The following RBFOX1 variants were observed in gnomAD, a reference collection of about 807,000 sequenced individuals.
RBFOX1 encodes the protein RNA binding protein fox-1 homolog 1.
A neutral mutation model predicts 57.7 loss-of-function variants in RBFOX1; 8 were observed. The observed-to-expected ratio is 0.14, with a 90% CI of 0.08 to 0.25. RBFOX1 has a LOEUF of 0.25. Among genes scored for constraint, RBFOX1 ranks in the 10% least tolerant of loss-of-function variants. The pLI is 1.00. For synonymous variants in RBFOX1, 326 were observed against 222.4 expected (o/e 1.47, Z -4.15); for missense variants, 611 against 548.5 (o/e 1.11, Z -1.14).
intron 2 of RBFOX1, among the ~76,000 whole-genome samples, chr16:6,331,545 C>CTATA (rs910680711): frequency 1.4e-5 from 2 of 147,900 alleles, no homozygotes; most frequent in African/African-American, 5.0e-5. Context: ...CTCTCTCTCT[C>CTATA]TATATATATA....
chr16:6,984,267 C>T (rs4289011), intron 3 of RBFOX1, among the ~76,000 whole-genome samples: 65,401 of 151,894 alleles, frequency 0.43, 17,310 homozygotes, highest in Non-Finnish European at 0.59. Flanking sequence ...ATAAAATAAT[C>T]CTGGATCCTC....
chr16:6,542,272 CCAGAGGTCAGATACTTAT>C, intron 2 of RBFOX1, among the ~76,000 whole-genome samples: 1 of 151,926 alleles, frequency 6.6e-6, no homozygotes, highest in East Asian at 1.9e-4. Context: ...CCATTCCTGA[CCAGAGGTCAGATACTTAT>C]CTGTTTCTTT....
At chr16:6,511,356 A>G (rs557785936) in intron 2 of RBFOX1, among the ~76,000 whole-genome samples, 8 of 152,306 alleles carry the variant, frequency 5.3e-5, no homozygotes, top group African/African-American at 1.2e-4. Flanking sequence ...CTTAGTGTCT[A>G]TCATGTAGCA....
intron 4 of RBFOX1, among the ~76,000 whole-genome samples, chr16:7,335,341 T>A (rs2096766447): frequency 6.6e-6 from 1 of 152,170 alleles, no homozygotes; most frequent in Non-Finnish European, 1.5e-5. Context: ...GGCAAGATGT[T>A]AAAATGAGCC....
chr16:7,399,311 A>C (rs2098197045), intron 4 of RBFOX1, among the ~76,000 whole-genome samples: 2 of 151,560 alleles, frequency 1.3e-5, no homozygotes, highest in African/African-American at 2.4e-5. Flanking sequence ...GCCAAGTGCG[A>C]TGGCGCATGC....
At chr16:5,820,184 G>A (rs928166036) in intron 3 of RBFOX1, among the ~76,000 whole-genome samples, 1 of 152,172 alleles carries the variant, frequency 6.6e-6, no homozygotes, top group African/African-American at 2.4e-5. Context: ...AGCTCATGGG[G>A]ATTAAAACAC....
chr16:5,712,741 A>C (rs1035645665), intron 3 of RBFOX1, among the ~76,000 whole-genome samples: 1 of 152,234 alleles, frequency 6.6e-6, no homozygotes, highest in African/African-American at 2.4e-5. Context: ...TCCAGCTGCA[A>C]GGAAGCCAGT....
intron 3 of RBFOX1, among the ~76,000 whole-genome samples, chr16:6,845,485 G>A (rs189248746): frequency 6.6e-6 from 1 of 152,252 alleles, no homozygotes; most frequent in African/African-American, 2.4e-5. Context: ...AGATCAGATG[G>A]ATGGGGGTGT....
chr16:7,528,852 G>A (rs2079299260), intron 5 of RBFOX1, among the ~76,000 whole-genome samples: 1 of 152,324 alleles, frequency 6.6e-6, no homozygotes, highest in Middle Eastern at 3.4e-3. Flanking sequence ...GTTGACAGAA[G>A]TTTCAGGAAT....
At chr16:5,753,551 G>T (rs2053289311) in intron 3 of RBFOX1, among the ~76,000 whole-genome samples, 1 of 152,150 alleles carries the variant, frequency 6.6e-6, no homozygotes, top group African/African-American at 2.4e-5. Context: ...TCCTCCAGTG[G>T]TGTGCTGCAG....
intron 3 of RBFOX1, among the ~76,000 whole-genome samples, chr16:6,743,094 A>G (rs2072682818): frequency 1.3e-5 from 2 of 152,208 alleles, no homozygotes; most frequent in Admixed American, 1.3e-4. Context: ...CTGTCTGTGT[A>G]TTTGTAATAT....
At chr16:7,433,427 C>G (rs1168230696) in intron 4 of RBFOX1, among the ~76,000 whole-genome samples, 1 of 152,168 alleles carries the variant, frequency 6.6e-6, no homozygotes, top group African/African-American at 2.4e-5. Flanking sequence ...AACTTCAAGT[C>G]TAATAGGGGA....
intron 4 of RBFOX1, among the ~76,000 whole-genome samples, chr16:7,147,665 C>G (rs1048130778): frequency 6.6e-6 from 1 of 152,092 alleles, no homozygotes; most frequent in African/African-American, 2.4e-5. Context: ...TTTTTTATGG[C>G]TGTATAGTAT....
chr16:6,304,824 C>T (rs1281493661), intron 1 of RBFOX1, among the ~76,000 whole-genome samples: 2 of 134,810 alleles, frequency 1.5e-5, no homozygotes, highest in Admixed American at 8.2e-5. Context: ...AGTGAGCCCA[C>T]ATCATGCCAC....
chr16:7,585,247 T>G (rs17144198), intron 6 of RBFOX1, among the ~76,000 whole-genome samples: 3,115 of 152,296 alleles, frequency 0.02, 119 homozygotes, highest in African/African-American at 0.07. Flanking sequence ...AGCTCACGTT[T>G]GAATGGCAAA....
At position 5,963,783 on chromosome 16, in the gene RBFOX1, A is replaced by C. The variant is rs139089118; in HGVS notation, c.351+96448A>C. ...CAAAATGGATTAAATGCTTAAACTT[A>C]AGACCTAAAGCCATAAGACTCCTAG... On this transcript the variant is annotated intron_variant, in intron 4 of 19. Coordinates refer to the RBFOX1 transcript ENST00000641259. Among the ~76,000 whole-genome samples the C allele has an allele frequency of 2.7e-4, 41 of 152,346 alleles. 1 individual carries two copies. The highest frequency in any genetic ancestry group is 9.9e-4 in the African/African-American group (41 of 41,590).
intron 3 of RBFOX1, among the ~76,000 whole-genome samples, chr16:5,841,541 A>ACAC (rs1253046647): frequency 6.6e-6 from 1 of 152,246 alleles, no homozygotes; most frequent in Non-Finnish European, 1.5e-5. Context: ...ATATGAATGG[A>ACAC]CACGTACAAC....
chr16:5,275,199 G>A (rs1344091734), intron 1 of RBFOX1, among the ~76,000 whole-genome samples: 1 of 152,078 alleles, frequency 6.6e-6, no homozygotes, highest in Admixed American at 6.6e-5. Context: ...CATATTTATG[G>A]GGTCCATGTG....
At chr16:5,493,089 G>C (rs1411798600) in intron 2 of RBFOX1, among the ~76,000 whole-genome samples, 1 of 152,222 alleles carries the variant, frequency 6.6e-6, no homozygotes, top group Non-Finnish European at 1.5e-5. Flanking sequence ...TGGTAGCAGA[G>C]CTGAGAAGAT....
Sources: allele counts gnomAD v4.1 joint callset (sites outside exome capture counted in the v4.1 genomes callset), GRCh38; gene constraint gnomAD v4.1.1; transcripts MANE v1.5; gene names NCBI Gene and HGNC (gene_info 2026-07-23, HGNC 2026-07-21).